RPTOR: variants seen among roughly 807,000 people sequenced by gnomAD.
The protein encoded by RPTOR is regulatory-associated protein of mTOR.
A neutral mutation model predicts 169.9 loss-of-function variants in RPTOR; 21 were observed. That is an observed-to-expected ratio of 0.12 (90% CI 0.09 to 0.18). The LOEUF (loss-of-function observed/expected upper bound fraction) is 0.18. RPTOR is among the 10% of genes least tolerant of loss of function. The pLI, the probability that RPTOR is intolerant of heterozygous loss-of-function variation, is 1.00. For synonymous variants in RPTOR, 732 were observed against 753.2 expected, an observed-to-expected ratio of 0.97 and a Z score of 0.46; for missense variants, 1,133 against 1,855.9, an observed-to-expected ratio of 0.61 and a Z score of 7.16.
intron 24 of RPTOR, among the ~76,000 whole-genome samples, chr17:80,935,020 C>CA (rs35820587): frequency 0.024 from 3,185 of 131,806 alleles, 62 homozygotes; most frequent in Middle Eastern, 0.035. Flanking sequence ...GACCCTGTCT[C>CA]AAAAAAAAAA....
In RPTOR at chr17:80,651,755, C is replaced by T. The variant is rs568751118; in HGVS notation, c.348+7945C>T. ...AAAAATGGCCAGGCACGGTGGCTCACGCCTGTAATCCCAGCACTTTGGGAG... is the reference window on the plus strand; with the variant it reads ...AAAAATGGCCAGGCACGGTGGCTCATGCCTGTAATCCCAGCACTTTGGGAG... On this transcript the variant is annotated intron_variant, in intron 3 of 33. Transcript: ENST00000306801. This position sits in a 1 kb window ranked among gnomAD's most constrained non-coding sequence, Gnocchi z 4.1. 6.6e-5 allele frequency among the ~76,000 whole-genome samples: 10 copies of T among 152,212 alleles called. No homozygotes were observed. The highest frequency in any genetic ancestry group is 1.7e-4 in the African/African-American group (7 of 41,498).
intron 9 of RPTOR, among the ~76,000 whole-genome samples, chr17:80,836,905 G>A (rs967659964): frequency 2.0e-5 from 3 of 152,162 alleles, no homozygotes; most frequent in African/African-American, 7.2e-5. Context: ...GTAGAATTGG[G>A]GTGTGGAGCT....
At chr17:80,829,196 A>T (rs2143642660) in intron 9 of RPTOR, among the ~76,000 whole-genome samples, 1 of 152,324 alleles carries the variant, frequency 6.6e-6, no homozygotes, top group South Asian at 2.1e-4. Context: ...TAAATTCAGA[A>T]CTAGAGACAC....
At chr17:80,724,613 A>G (rs2066314792) in intron 4 of RPTOR, among the ~76,000 whole-genome samples, 1 of 152,132 alleles carries the variant, frequency 6.6e-6, no homozygotes, top group African/African-American at 2.4e-5. Flanking sequence ...AGGTTCTCCC[A>G]TCCCAACAGT....
intron 33 of RPTOR, 40 bp from the exon 34 acceptor site, chr17:80,964,222 C>T (rs772412136): frequency 1.8e-5 from 29 of 1,578,558 alleles, no homozygotes; most frequent in East Asian, 1.8e-4. Context: ...AGTGTCTGCC[C>T]GCACCTGAAC....
intron 24 of RPTOR, among the ~76,000 whole-genome samples, chr17:80,934,090 C>T (rs1388993956): frequency 1.3e-5 from 2 of 150,954 alleles, no homozygotes; most frequent in African/African-American, 2.4e-5. Context: ...TACTACCAAA[C>T]GTCATTCAGT....
chr17:80,557,551 CA>C (rs2084425755), intron 1 of RPTOR, among the ~76,000 whole-genome samples: 1 of 139,086 alleles, frequency 7.2e-6, no homozygotes, highest in Non-Finnish European at 1.6e-5. Flanking sequence ...TCAATAAATA[CA>C]AAAATAAGGA....
chr17:80,789,635 A>G (rs1327191992), intron 6 of RPTOR, among the ~76,000 whole-genome samples: 2 of 152,222 alleles, frequency 1.3e-5, no homozygotes, highest in African/African-American at 4.8e-5. Flanking sequence ...ATATCCAGGC[A>G]GCCTTGAGCA....
chr17:80,823,275 C>T lies in RPTOR; in HGVS notation c.1136+52C>T, dbSNP rs1406988843. The stretch of plus-strand genomic sequence containing the variant: ...CCGTGCTCCCCCGCCCTCCGTGGCA[C>T]TGTGATGTCATGGAATTGCACGGAG... On this transcript the variant is annotated intron_variant, in intron 9 of 33. Transcript: ENST00000306801. This position sits in a 1 kb window ranked among gnomAD's most constrained non-coding sequence, Gnocchi z 4.5. 1 of 1,597,388 alleles carries T rather than the reference C, an allele frequency of 6.3e-7. No individual in the cohort carries two copies.
At chr17:80,830,777 G>T (rs185244125) in intron 9 of RPTOR, among the ~76,000 whole-genome samples, 4 of 151,640 alleles carry the variant, frequency 2.6e-5, no homozygotes, top group Non-Finnish European at 4.4e-5. Context: ...CGGAGGCGGG[G>T]TCTCGCTCTG....
rs1221068110 is a variant in RPTOR, at chr17:80,845,350, A to G, written c.1213-1123A>G. On this transcript the variant is annotated intron_variant, in intron 10 of 33. Transcript: ENST00000306801. The surrounding 1 kb of genome is among the most constrained non-coding windows in gnomAD (Gnocchi z 5.4). ...CCAAGCATTTTTTTTGGTCTCCCTC[A>G]CCCGCGCGCCTTCTCTGTCCAGCTG... Among the ~76,000 whole-genome samples the G allele has an allele frequency of 2.0e-5, 3 of 150,758 alleles. No individual in the cohort carries two copies. Among genetic ancestry groups the G allele is most frequent in the Admixed American group, 2.0e-4 (3 of 15,146 alleles).
chr17:80,874,501 T>C (rs912692365), intron 13 of RPTOR, among the ~76,000 whole-genome samples: 4 of 152,208 alleles, frequency 2.6e-5, no homozygotes, highest in African/African-American at 9.7e-5. Flanking sequence ...TCAATGTGTC[T>C]ATATTAATAT....
chr17:80,705,577 C>A (rs933335061), intron 3 of RPTOR, among the ~76,000 whole-genome samples: 2 of 152,142 alleles, frequency 1.3e-5, no homozygotes, highest in African/African-American at 4.8e-5. Context: ...TAGGTGAAAC[C>A]AAATGTGTAT....
chr17:80,680,682 G>A (rs2065891736), intron 3 of RPTOR, among the ~76,000 whole-genome samples: 1 of 151,678 alleles, frequency 6.6e-6, no homozygotes, highest in Non-Finnish European at 1.5e-5. Flanking sequence ...AATACTCAGG[G>A]CTCCCTGTTT....
At chr17:80,885,343 T>C (rs918768545) in intron 17 of RPTOR, among the ~76,000 whole-genome samples, 195 bp downstream of exon 17, 7 of 152,238 alleles carry the variant, frequency 4.6e-5, no homozygotes, top group Non-Finnish European at 8.8e-5. Flanking sequence ...GTTTGCTTCA[T>C]TTAAAGGCAT....
Position 80,903,836 on chromosome 17 carries a change from A to G in RPTOR, c.2402-4975A>G, listed in dbSNP as rs535138991. On this transcript the variant is annotated intron_variant, in intron 20 of 33. Coordinates refer to ENST00000306801, the MANE Select transcript of RPTOR (RefSeq NM_020761.3). ...AAAAAAGCCTGGTGCTCGCTCAACC[A>G]AAAGAAAAGCTAGGCAGGGTTTTTG... Among the ~76,000 whole-genome samples, 6 of 152,340 alleles carry G rather than the reference A, an allele frequency of 3.9e-5. No homozygotes were observed. The South Asian group carries it at 1.0e-3, about 26-fold the overall frequency.
intron 1 of RPTOR, among the ~76,000 whole-genome samples, chr17:80,576,784 A>C (rs915553631): frequency 1.3e-5 from 2 of 151,980 alleles, no homozygotes; most frequent in African/African-American, 2.4e-5. Flanking sequence ...GCTCACTGCA[A>C]CCTCCACCTC....
chr17:80,626,253 A>G (rs2065393189), intron 2 of RPTOR, among the ~76,000 whole-genome samples: 1 of 151,652 alleles, frequency 6.6e-6, no homozygotes, highest in Non-Finnish European at 1.5e-5. Flanking sequence ...GGGTTTCACC[A>G]TGTTCGCCAG....
In RPTOR at chr17:80,611,423, A is replaced by G. The variant is rs545974216; in HGVS notation, c.163-14268A>G. Among the ~76,000 whole-genome samples, 163 of 152,076 alleles carry G rather than the reference A, an allele frequency of 1.1e-3. 4 individuals carry two copies. The South Asian group carries it at 0.032, about 30-fold the overall frequency. On this transcript the variant is annotated intron_variant, in intron 1 of 33. Transcript: ENST00000306801. ...ATTATAGGCACGCACCACCACACCC[A>G]ACTAATTTTTTATTTGTACTTCTAG... is the stretch of plus-strand genomic sequence containing the variant.
Sources: allele counts gnomAD v4.1 joint callset (sites outside exome capture counted in the v4.1 genomes callset), GRCh38; gene constraint gnomAD v4.1.1; non-coding constraint Gnocchi (gnomAD v3.1); transcripts MANE v1.5; gene names NCBI Gene and HGNC (gene_info 2026-07-23, HGNC 2026-07-21).